KIF13A: variants seen among roughly 807,000 people sequenced by gnomAD.
The protein encoded by KIF13A is kinesin family member 13A.
In KIF13A, 79 loss-of-function variants were observed where a neutral mutation model predicts 212.2. The observed-to-expected ratio is 0.37, with a 90% CI of 0.31 to 0.45. The LOEUF (loss-of-function observed/expected upper bound fraction) is 0.45, where lower values mean the gene tolerates loss of function less well. Among genes scored for constraint, KIF13A ranks in the 20% least tolerant of loss-of-function variants. The pLI is 1.00. For missense variants in KIF13A, 1,901 were observed against 2,209.0 expected, an observed-to-expected ratio of 0.86 and a Z score of 2.79; for synonymous variants, 789 against 808.6, an observed-to-expected ratio of 0.98 and a Z score of 0.41.
chr6:17,771,970 G>A lies in KIF13A; in HGVS notation c.4414C>T (p.Pro1472Ser). Residue 1472 changes from proline to serine, a missense_variant, in exon 37 of 39, where the codon CCT (proline) becomes TCT (serine). Coordinates refer to ENST00000259711, the MANE Select transcript of KIF13A (RefSeq NM_022113.6). This position sits in a 1 kb window ranked among gnomAD's most constrained non-coding sequence, Gnocchi z 5.4. ...QPPKFFKPLMPVKEEHKKRIA... is the reference protein window; with the variant it reads ...QPPKFFKPLMSVKEEHKKRIA... ...CTTTTCTTATGCTCCTCTTTTACAG[G>A]CATTAGGGGCTTGAAAAACTTTGGT... 2 of 1,613,944 alleles carry A rather than the reference G, an allele frequency of 1.2e-6. No homozygotes were observed. Among genetic ancestry groups the A allele is most frequent in the African/African-American group, 2.7e-5 (2 of 75,050 alleles).
At chr6:17,985,460 G>A (rs188254804) in intron 2 of KIF13A, among the ~76,000 whole-genome samples, 1 of 152,162 alleles carries the variant, frequency 6.6e-6, no homozygotes, top group Non-Finnish European at 1.5e-5. Flanking sequence ...TTAAACAGTA[G>A]CTAACAGTCG....
At chr6:17,896,647 C>T (rs775934413) in intron 3 of KIF13A, among the ~76,000 whole-genome samples, 4 of 152,078 alleles carry the variant, frequency 2.6e-5, no homozygotes, top group Admixed American at 1.3e-4. Context: ...TTCTTAGGAA[C>T]GATCAATAGG....
rs1771244626 is a variant in KIF13A at position 17,883,277 on chromosome 6, T to C, written c.160-9840A>G. Among the ~76,000 whole-genome samples, 1 of 152,010 alleles carries C rather than the reference T, an allele frequency of 6.6e-6. No homozygotes were observed. Among genetic ancestry groups the C allele is most frequent in the Admixed American group, 6.6e-5 (1 of 15,262 alleles). ...CAAGAGGACTGCTTGAGCCCAGAAG[T>C]TTAAGCCTGCAGTGAGCTGTGATCA... On this transcript the variant is annotated intron_variant, in intron 3 of 38. Coordinates refer to ENST00000259711, the MANE Select transcript of KIF13A (RefSeq NM_022113.6). This position sits in a 1 kb window ranked among gnomAD's most constrained non-coding sequence, Gnocchi z 4.8.
chr6:17,766,749 T>A (rs1759026860), intron 38 of KIF13A, among the ~76,000 whole-genome samples: 1 of 151,982 alleles, frequency 6.6e-6, no homozygotes, highest in Admixed American at 6.6e-5. Flanking sequence ...TTAATCGAGG[T>A]GGGGAGGGGG....
chr6:17,857,084 T>A (rs772159810), intron 4 of KIF13A, among the ~76,000 whole-genome samples: 1 of 152,204 alleles, frequency 6.6e-6, no homozygotes, highest in Non-Finnish European at 1.5e-5. Context: ...GATAGTTCCT[T>A]TTACATTTGA....
chr6:17,950,021 T>C (rs1295753865), intron 2 of KIF13A, among the ~76,000 whole-genome samples: 1 of 152,178 alleles, frequency 6.6e-6, no homozygotes, highest in Non-Finnish European at 1.5e-5. Context: ...GGGACAATTA[T>C]TAATTACAAC....
intron 13 of KIF13A, among the ~76,000 whole-genome samples, chr6:17,830,564 C>T (rs536415724): frequency 6.6e-6 from 1 of 152,100 alleles, no homozygotes; most frequent in Non-Finnish European, 1.5e-5. Context: ...AACAGGGCGG[C>T]CCCATCCCAC....
At chr6:17,765,045 C>T (rs1758818462) in intron 38 of KIF13A, 99 bp from the exon 39 acceptor site, 6 of 882,756 alleles carry the variant, frequency 6.8e-6, no homozygotes, top group Middle Eastern at 2.3e-4. Context: ...TTCACATTCA[C>T]ATGGTGTTCA....
rs1759238760 is a variant in KIF13A, at chr6:17,768,718, T to TTGC, written c.4581+2393_4581+2395dup. Among the ~76,000 whole-genome samples, 1 of 152,232 alleles carries TTGC rather than the reference T, an allele frequency of 6.6e-6. No individual in the cohort carries two copies. The highest frequency in any genetic ancestry group is 1.5e-5 in the Non-Finnish European group (1 of 68,042). On this transcript the variant is annotated intron_variant, in intron 38 of 38. Transcript: ENST00000259711. The surrounding 1 kb of genome is among the most constrained non-coding windows in gnomAD (Gnocchi z 5.4). Reference sequence around the variant, plus strand: ...CAAGTTGCTCAACAATTCTAACCCTTTGCTTCTTCTTCTGTAAACCAGAGG... The same window carrying TTGC: ...CAAGTTGCTCAACAATTCTAACCCTTTGCTGCTTCTTCTTCTGTAAACCAGAGG...
intron 2 of KIF13A, among the ~76,000 whole-genome samples, chr6:17,945,956 T>C (rs146033388): frequency 3.2e-4 from 48 of 152,278 alleles, no homozygotes; most frequent in Non-Finnish European, 6.2e-4. Context: ...GCCAGGATAA[T>C]AGGTTATCTT....
intron 4 of KIF13A, among the ~76,000 whole-genome samples, chr6:17,859,636 A>ATTT (rs1204467896): frequency 9.0e-6 from 1 of 111,072 alleles, no homozygotes; most frequent in African/African-American, 3.5e-5. Flanking sequence ...ATATATATAT[A>ATTT]TATTTTTTTT....
chr6:17,909,680 T>C (rs984021768), intron 2 of KIF13A, among the ~76,000 whole-genome samples: 42 of 151,366 alleles, frequency 2.8e-4, no homozygotes, highest in African/African-American at 9.7e-4. Flanking sequence ...AGATCACTTA[T>C]GGTCAGGAGT....
At position 17,975,104 on chromosome 6, in the gene KIF13A, G is replaced by C. The variant is rs60993060; in HGVS notation, c.146+11950C>G. 7.0e-3 allele frequency among the ~76,000 whole-genome samples: 1,068 copies of C among 152,244 alleles called. 16 individuals are homozygous for C. Among genetic ancestry groups the C allele is most frequent in the African/African-American group, 0.025 (1,035 of 41,530 alleles). ...CACACCTGTAATCCCAGAACTTTGAGAGAAAGAGGAGGGCAGATCATTTGA... is the reference window on the plus strand; with the variant it reads ...CACACCTGTAATCCCAGAACTTTGACAGAAAGAGGAGGGCAGATCATTTGA... On this transcript the variant is annotated intron_variant, in intron 2 of 38. Transcript: ENST00000259711.
At position 17,987,328 on chromosome 6, in the gene KIF13A, C is replaced by G. The variant is rs1781665333; in HGVS notation, c.55+81G>C. On this transcript the variant is annotated intron_variant, in intron 1 of 38. Coordinates refer to ENST00000259711, the MANE Select transcript of KIF13A (RefSeq NM_022113.6). The surrounding 1 kb of genome is among the most constrained non-coding windows in gnomAD (Gnocchi z 7.7). ...GGCCCCCCGGCCCCGGCCGCGCTCT[C>G]GCCGTCCCGGCCCCGCAGTTTCTAA... is the stretch of plus-strand genomic sequence containing the variant. 1.8e-6 allele frequency: 2 copies of G among 1,085,414 alleles called. No individual in the cohort carries two copies. The allele number at this position is 1,085,414 out of a possible 1,614,324, so 67.2% of individuals were successfully genotyped here.
intron 3 of KIF13A, among the ~76,000 whole-genome samples, chr6:17,887,988 G>T (rs1332647154): frequency 6.6e-6 from 1 of 151,596 alleles, no homozygotes; most frequent in East Asian, 1.9e-4. Context: ...TTACAGGTGT[G>T]AGCCACTGGG....
At chr6:17,864,653 G>A (rs1394433993) in intron 4 of KIF13A, among the ~76,000 whole-genome samples, 3 of 152,108 alleles carry the variant, frequency 2.0e-5, no homozygotes, top group Non-Finnish European at 4.4e-5. Flanking sequence ...ACCACTTATG[G>A]CTAATTTTTT....
In KIF13A at chr6:17,771,614, A is replaced by T. The variant is rs935210839; in HGVS notation, c.4476+294T>A. The T allele has an allele frequency of 5.8e-6, 2 of 342,706 alleles. No individual in the cohort carries two copies. The highest frequency in any genetic ancestry group is 1.1e-5 in the Non-Finnish European group (2 of 190,174). The allele number at this position is 342,706 out of a possible 1,614,324, so 21.2% of individuals were successfully genotyped here. ...AAAGACAAAAAAGAAAAATAATTTT[A>T]AAAAAGGCCTTTAATCTTTTCAAAA... On this transcript the variant is annotated intron_variant, in intron 37 of 38. Transcript: ENST00000259711. The surrounding 1 kb of genome is among the most constrained non-coding windows in gnomAD (Gnocchi z 5.4).
At chr6:17,956,976 G>T (rs996102903) in intron 2 of KIF13A, among the ~76,000 whole-genome samples, 1 of 152,056 alleles carries the variant, frequency 6.6e-6, no homozygotes. Context: ...TGCTTCCCAG[G>T]TTCAAGTGAT....
intron 4 of KIF13A, among the ~76,000 whole-genome samples, chr6:17,861,667 C>T (rs1446538422): frequency 6.6e-6 from 1 of 152,136 alleles, no homozygotes. Context: ...GATAATTTTT[C>T]TTCTATTTAT....
Sources: allele counts gnomAD v4.1 joint callset (sites outside exome capture counted in the v4.1 genomes callset), GRCh38; gene constraint gnomAD v4.1.1; non-coding constraint Gnocchi (gnomAD v3.1); transcripts MANE v1.5; gene names NCBI Gene and HGNC (gene_info 2026-07-23, HGNC 2026-07-21).